Variants in SARDH observed in about 807,000 individuals in gnomAD.
SARDH encodes sarcosine dehydrogenase, mitochondrial.
Under a neutral mutation model 109.1 loss-of-function variants are expected in SARDH, and 95 were observed. The observed-to-expected ratio is 0.87, with a 90% CI of 0.74 to 1.03. The LOEUF (loss-of-function observed/expected upper bound fraction) is 1.03, where lower values mean the gene tolerates loss of function less well. Ranked by LOEUF, SARDH falls within the 50% of genes least tolerant of loss-of-function variation. The probability of loss-of-function intolerance (pLI) is 0.00; values close to 1 mark genes in which losing one functional copy is unlikely to be tolerated. For missense variants in SARDH, 1,267 were observed against 1,287.8 expected (o/e 0.98, Z 0.25); for synonymous variants, 572 against 534.8 (o/e 1.07, Z -0.96).
At chr9:133,711,544 C>G (rs570476662) in intron 10 of SARDH, among the ~76,000 whole-genome samples, 1 of 152,208 alleles carries the variant, frequency 6.6e-6, no homozygotes, top group Non-Finnish European at 1.5e-5. Context: ...TTCACTGTGT[C>G]GGGTGCCATG....
Position 133,692,559 on chromosome 9 carries a change from G to A in SARDH, c.1921+1699C>T, listed in dbSNP as rs759215760. 3.9e-5 allele frequency among the ~76,000 whole-genome samples: 6 copies of A among 152,100 alleles called. No homozygotes were observed. Among genetic ancestry groups the A allele is most frequent in the African/African-American group, 1.2e-4 (5 of 41,396 alleles). Reference sequence around the variant, plus strand: ...TCCTCCAGGAAGCCTTGCTCATCCCGGCTCGGCGGCTTCACATGGCCTTCC... The same window carrying A: ...TCCTCCAGGAAGCCTTGCTCATCCCAGCTCGGCGGCTTCACATGGCCTTCC... On this transcript the variant is annotated intron_variant, in intron 15 of 20. Coordinates refer to ENST00000439388, the MANE Select transcript of SARDH (RefSeq NM_001134707.2). This position sits in a 1 kb window ranked among gnomAD's most constrained non-coding sequence, Gnocchi z 5.0.
At chr9:133,694,516 AC>A (rs1831216254) in intron 14 of SARDH, 145 bp from the exon 15 acceptor site, 3 of 719,488 alleles carry the variant, frequency 4.2e-6, no homozygotes, top group Non-Finnish European at 7.2e-6. Context: ...CTGGGAGGTG[AC>A]CTGGAGAGCT....
At position 133,696,226 on chromosome 9, in the gene SARDH, G is replaced by A; in HGVS notation, c.1804C>T (p.Pro602Ser). The change falls in exon 14 of 21, where the codon CCA becomes TCA. Residue 602 changes from proline (P) to serine (S), a missense_variant. Transcript: ENST00000439388. ...CCCCCAACCTCAGGCTCCATACCTG[G>A]GGGTCGGCTGACATCTGCGGAGAAG... is the stretch of plus-strand genomic sequence containing the variant. Reference protein sequence around the residue: ...WLFSADVSRPPGSTVYTCMLN... With the variant: ...WLFSADVSRPSGSTVYTCMLN... The A allele has an allele frequency of 6.2e-7, 1 of 1,613,840 alleles. No homozygotes were observed. The highest frequency in any genetic ancestry group is 8.5e-7 in the Non-Finnish European group (1 of 1,179,986).
downstream of SARDH, among the ~76,000 whole-genome samples, chr9:133,660,581 G>A (rs940317065): frequency 1.3e-5 from 2 of 152,214 alleles, no homozygotes; most frequent in Non-Finnish European, 2.9e-5. Flanking sequence ...AGCAGCCCAG[G>A]TTGCTATTCC....
chr9:133,733,847 C>T lies in SARDH; in HGVS notation c.327G>A (p.Thr109=), dbSNP rs1049218733. Residue 109 remains threonine, a synonymous_variant, in exon 2 of 21, where the codon ACG becomes ACA. Coordinates refer to ENST00000439388, the MANE Select transcript of SARDH (RefSeq NM_001134707.2). ...ERLTSGTTWH[T]AGLLWQLRPS... is the part of the protein sequence containing the mutation. ...TACCTGGCCCCCGGTCCCTACCTGC[C>T]GTGTGCCAGGTGGTCCCGGAGGTCA... The T allele has an allele frequency of 3.6e-5, 53 of 1,463,006 alleles. No homozygotes were observed. The highest frequency in any genetic ancestry group is 4.3e-5 in the Non-Finnish European group (48 of 1,105,862). The allele number at this position is 1,463,006 out of a possible 1,614,324, so 90.6% of individuals were successfully genotyped here.
At chr9:133,714,679 C>T (rs981522364) in intron 8 of SARDH, among the ~76,000 whole-genome samples, 5 of 152,076 alleles carry the variant, frequency 3.3e-5, no homozygotes, top group Admixed American at 1.3e-4. Flanking sequence ...ACTCAGGAGG[C>T]GGAGAAGGGA....
downstream of SARDH, among the ~76,000 whole-genome samples, chr9:133,662,831 C>T (rs1370994840): frequency 5.9e-5 from 9 of 152,214 alleles, no homozygotes; most frequent in South Asian, 4.1e-4. This position sits in a 1 kb window ranked among gnomAD's most constrained non-coding sequence, Gnocchi z 5.1. Flanking sequence ...GCCGCTCTGA[C>T]GGGCCTGATC....
In SARDH at chr9:133,712,963, G is replaced by A; in HGVS notation, c.1237+75C>T. On this transcript the variant is annotated intron_variant, in intron 9 of 20. Coordinates refer to ENST00000439388, the MANE Select transcript of SARDH (RefSeq NM_001134707.2). This position sits in a 1 kb window ranked among gnomAD's most constrained non-coding sequence, Gnocchi z 4.1. ...CTGTCGGGGGCCACGGTGCTCCTGC[G>A]CCCGCCTCCCCCAGAGCTCTGGGAA... 3.5e-6 allele frequency: 5 copies of A among 1,429,752 alleles called. No individual in the cohort carries two copies. The highest frequency in any genetic ancestry group is 1.2e-5 in the South Asian group (1 of 82,076). The allele number at this position is 1,429,752 out of a possible 1,614,324, so 88.6% of individuals were successfully genotyped here.
In SARDH at chr9:133,671,524, C is replaced by T. The variant is rs1044051902; in HGVS notation, c.2326+11G>A. On this transcript the variant is annotated intron_variant, in intron 18 of 20. Transcript: ENST00000439388. ...CGCCCCCGCCCCGTGCTGTCCAGAC[C>T]CTGCACTCACCTTTCTCAATGCTCA... The T allele has an allele frequency of 6.2e-7, 1 of 1,601,456 alleles. No homozygotes were observed. Among genetic ancestry groups the T allele is most frequent in the African/African-American group, 1.3e-5 (1 of 74,688 alleles).
chr9:133,711,990 C>A (rs1831939084), intron 10 of SARDH, among the ~76,000 whole-genome samples: 1 of 152,220 alleles, frequency 6.6e-6, no homozygotes, highest in Non-Finnish European at 1.5e-5. Flanking sequence ...TGGCAGAAGG[C>A]CATCGGGATA....
intron 17 of SARDH, among the ~76,000 whole-genome samples, chr9:133,679,478 G>A (rs550654502): frequency 3.3e-4 from 50 of 152,354 alleles, no homozygotes; most frequent in African/African-American, 1.0e-3. Flanking sequence ...CTTGATCACC[G>A]TGCCCCACGG....
downstream of SARDH, chr9:133,659,490 CTG>C (rs767963361): frequency 3.9e-5 from 6 of 152,330 alleles, no homozygotes; most frequent in Non-Finnish European, 8.8e-5. Flanking sequence ...TTCCTGCCCT[CTG>C]AGCTGCCTCT....
intron 6 of SARDH, among the ~76,000 whole-genome samples, chr9:133,723,477 C>A (rs900868964): frequency 1.3e-5 from 2 of 152,094 alleles, no homozygotes; most frequent in Non-Finnish European, 2.9e-5. Flanking sequence ...AATAAACCTT[C>A]TTCTGCCAGG....
At position 133,686,305 on chromosome 9, in the gene SARDH, G is replaced by A. The variant is rs1015595500; in HGVS notation, c.2070-1019C>T. Among the ~76,000 whole-genome samples the A allele has an allele frequency of 2.0e-5, 3 of 151,992 alleles. No individual in the cohort carries two copies. The highest frequency in any genetic ancestry group is 4.4e-5 in the Non-Finnish European group (3 of 67,980). ...GTCTCCCAGGAAGCCCTCACCTCCTGGGCACCGTGCCCACCTCCAGGCCTA... is the reference window on the plus strand; with the variant it reads ...GTCTCCCAGGAAGCCCTCACCTCCTAGGCACCGTGCCCACCTCCAGGCCTA... On this transcript the variant is annotated intron_variant, in intron 16 of 20. Coordinates refer to ENST00000439388, the MANE Select transcript of SARDH (RefSeq NM_001134707.2). The surrounding 1 kb of genome is among the most constrained non-coding windows in gnomAD (Gnocchi z 4.0).
chr9:133,709,640 G>T lies in SARDH; in HGVS notation c.1329-1212C>A, dbSNP rs188375648. 1.3e-5 allele frequency among the ~76,000 whole-genome samples: 2 copies of T among 152,248 alleles called. No individual in the cohort carries two copies. Among genetic ancestry groups the T allele is most frequent in the South Asian group, 4.1e-4 (2 of 4,822 alleles). On this transcript the variant is annotated intron_variant, in intron 10 of 20. Transcript: ENST00000439388. The surrounding 1 kb of genome is among the most constrained non-coding windows in gnomAD (Gnocchi z 4.2). ...ATGGGTGGGGAGTAGAGGTGCAGAC[G>T]TGAGGATTATTATTAATGATATTAT...
At chr9:133,727,166 G>A (rs1271965990) in intron 6 of SARDH, among the ~76,000 whole-genome samples, 1 of 152,194 alleles carries the variant, frequency 6.6e-6, no homozygotes, top group Admixed American at 6.5e-5. Flanking sequence ...AGCTCAGAGA[G>A]GGAAGAGATG....
At chr9:133,733,753 G>T (rs1832765128) in intron 2 of SARDH, 90 bp downstream of exon 2, 2 of 1,267,854 alleles carry the variant, frequency 1.6e-6, no homozygotes, top group Admixed American at 3.5e-5. Context: ...GCTGGTTGTT[G>T]TGAACCAAGA....
At position 133,666,632 on chromosome 9, in the gene SARDH, C is replaced by T. The variant is rs1182526683; in HGVS notation, c.2631+103G>A. 2.7e-6 allele frequency: 4 copies of T among 1,471,974 alleles called. No homozygotes were observed. Among genetic ancestry groups the T allele is most frequent in the Admixed American group, 4.1e-5 (2 of 49,236 alleles). 91.2% of individuals were successfully genotyped at this position (1,471,974 alleles called of 1,614,324 possible). A position where few individuals can be genotyped will look rare whatever the true frequency, so the allele number is the denominator to read the frequency against. ...CTCCTCTTCTGGACCACACCCGTGC[C>T]TCCTCCCTATGCCCGGCACACTCAG... On this transcript the variant is annotated intron_variant, in intron 20 of 20. Coordinates refer to ENST00000439388, the MANE Select transcript of SARDH (RefSeq NM_001134707.2). This position sits in a 1 kb window ranked among gnomAD's most constrained non-coding sequence, Gnocchi z 5.2.
intron 6 of SARDH, chr9:133,725,533 G>C (rs776646891): frequency 4.6e-6 from 2 of 438,816 alleles, no homozygotes; most frequent in African/African-American, 4.1e-5. Flanking sequence ...AAAATCAGCC[G>C]GGTGTGGTGA....
Sources: gnomAD v4.1 joint callset for allele counts (sites outside exome capture counted in the v4.1 genomes callset) on GRCh38, gnomAD v4.1.1 for gene constraint, Gnocchi (gnomAD v3.1) non-coding constraint, MANE v1.5 for transcripts, NCBI Gene and HGNC (gene_info 2026-07-23, HGNC 2026-07-21) for gene names.